The following LRBA variants were observed in gnomAD, a reference collection of about 807,000 sequenced individuals.
The protein encoded by LRBA is LPS responsive beige-like anchor protein.
A neutral mutation model predicts 330.0 loss-of-function variants in LRBA; 176 were observed. The ratio of observed to expected loss-of-function variants is 0.53; its 90% CI spans 0.47 to 0.60. The LOEUF is 0.60. LRBA is among the 20% of genes least tolerant of loss of function. The pLI, the probability that LRBA is intolerant of heterozygous loss-of-function variation, is 0.00. For missense variants in LRBA, 3,259 were observed against 3,444.8 expected, an observed-to-expected ratio of 0.95 and a Z score of 1.35; for synonymous variants, 1,230 against 1,193.0, an observed-to-expected ratio of 1.03 and a Z score of -0.64.
intron 34 of LRBA, among the ~76,000 whole-genome samples, chr4:150,781,452 T>C (rs1282777716): frequency 1.3e-5 from 2 of 152,202 alleles, no homozygotes; most frequent in Admixed American, 1.3e-4. Flanking sequence ...GCTCAGGCAG[T>C]AATGCCAGTG....
At chr4:150,469,193 G>C (rs1477570777) in intron 43 of LRBA, among the ~76,000 whole-genome samples, 2 of 152,042 alleles carry the variant, frequency 1.3e-5, no homozygotes, top group African/African-American at 4.8e-5. Context: ...ACTTAATTAA[G>C]TTAAACTCAA....
intron 37 of LRBA, among the ~76,000 whole-genome samples, chr4:150,658,509 C>CCT (rs1491141650): frequency 4.8e-5 from 3 of 62,676 alleles, no homozygotes; most frequent in South Asian, 8.2e-4. Flanking sequence ...ATAAAAGTCT[C>CCT]CCTCTCCCTC....
intron 46 of LRBA, among the ~76,000 whole-genome samples, chr4:150,431,516 A>C (rs982458449): frequency 2.0e-5 from 3 of 152,238 alleles, no homozygotes; most frequent in Non-Finnish European, 2.9e-5. Context: ...TGTGCCATGT[A>C]AATAGAGACA....
At chr4:150,753,126 C>T (rs923280022) in intron 35 of LRBA, among the ~76,000 whole-genome samples, 5 of 152,200 alleles carry the variant, frequency 3.3e-5, no homozygotes, top group Non-Finnish European at 7.4e-5. Context: ...ACTCTGACCA[C>T]TCTTATTTAA....
intron 40 of LRBA, among the ~76,000 whole-genome samples, chr4:150,506,454 T>TA (rs2152123827): frequency 1.3e-5 from 2 of 152,260 alleles, no homozygotes; most frequent in Non-Finnish European, 2.9e-5. Flanking sequence ...ATCCAGAACA[T>TA]AAACAGAACC....
intron 36 of LRBA, among the ~76,000 whole-genome samples, chr4:150,685,600 A>G (rs1783546159): frequency 6.7e-6 from 1 of 149,068 alleles, no homozygotes; most frequent in Non-Finnish European, 1.5e-5. Context: ...CACCCAGCTA[A>G]TTTTTTTGTA....
chr4:150,572,608 T>G (rs764965140), intron 40 of LRBA, among the ~76,000 whole-genome samples: 24 of 152,228 alleles, frequency 1.6e-4, no homozygotes, highest in Non-Finnish European at 2.9e-4. Flanking sequence ...AATCAAAACT[T>G]CAAAAAGTTA....
chr4:150,451,874 A>G (rs930074960), intron 44 of LRBA, among the ~76,000 whole-genome samples: 1 of 152,178 alleles, frequency 6.6e-6, no homozygotes, highest in Non-Finnish European at 1.5e-5. Context: ...AAAACTCATT[A>G]ACAAAAAGAT....
intron 36 of LRBA, among the ~76,000 whole-genome samples, chr4:150,697,059 G>C (rs2126978519): frequency 6.6e-6 from 1 of 151,126 alleles, no homozygotes; most frequent in East Asian, 1.9e-4. Context: ...GGGCGCAGTG[G>C]CTCACACCTG....
chr4:150,420,321 GCACA>G (rs1748480202), intron 46 of LRBA, among the ~76,000 whole-genome samples: 1 of 122,776 alleles, frequency 8.1e-6, no homozygotes, highest in East Asian at 3.0e-4. Context: ...TATATATAAT[GCACA>G]TTATAGTATA....
chr4:150,690,748 A>G (rs745973978), intron 36 of LRBA, among the ~76,000 whole-genome samples: 2 of 152,020 alleles, frequency 1.3e-5, no homozygotes, highest in Non-Finnish European at 2.9e-5. Flanking sequence ...AAACTGGATC[A>G]AGGATATAAA....
chr4:150,868,364 G>A, intron 20 of LRBA, 59 bp from the exon 21 acceptor site: 2 of 1,280,534 alleles, frequency 1.6e-6, no homozygotes, highest in Non-Finnish European at 1.1e-6. Flanking sequence ...CATGATAGAA[G>A]GTCATCCATC....
intron 40 of LRBA, among the ~76,000 whole-genome samples, chr4:150,540,344 G>A (rs146541463): frequency 2.1e-3 from 320 of 152,242 alleles, no homozygotes; most frequent in African/African-American, 7.1e-3. Context: ...ACAGATGTGC[G>A]TCACCACACC....
rs544532385 is a variant in LRBA at position 150,638,800 on chromosome 4, C to A, written c.5922-39669G>T. 1.4e-3 allele frequency among the ~76,000 whole-genome samples: 166 copies of A among 116,266 alleles called. 2 individuals carry two copies. Among genetic ancestry groups the A allele is most frequent in the African/African-American group, 5.5e-3 (162 of 29,470 alleles). The allele number at this position is 116,266 out of a possible 152,430, so 76.3% of individuals were successfully genotyped here. On this transcript the variant is annotated intron_variant, in intron 37 of 56. Coordinates refer to ENST00000651943, the MANE Select transcript of LRBA (RefSeq NM_001364905.1). Reference sequence around the variant, plus strand: ...CATTGTGGAAGTCAGTGTGGCGATTCCTCAGGGATCTAGAACTAGAAATAC... The same window carrying A: ...CATTGTGGAAGTCAGTGTGGCGATTACTCAGGGATCTAGAACTAGAAATAC...
intron 28 of LRBA, among the ~76,000 whole-genome samples, chr4:150,840,114 T>G (rs1198036670): frequency 6.6e-6 from 1 of 152,192 alleles, no homozygotes; most frequent in Non-Finnish European, 1.5e-5. Flanking sequence ...CGTTGGAGCC[T>G]TATCTGAAAT....
intron 40 of LRBA, among the ~76,000 whole-genome samples, chr4:150,558,028 G>C (rs1418645282): frequency 6.6e-6 from 1 of 152,124 alleles, no homozygotes; most frequent in Non-Finnish European, 1.5e-5. Flanking sequence ...ACCCTGAGTA[G>C]CTGGAATTAC....
chr4:150,724,196 TG>T, intron 36 of LRBA, among the ~76,000 whole-genome samples: 1 of 152,154 alleles, frequency 6.6e-6, no homozygotes, highest in Non-Finnish European at 1.5e-5. Flanking sequence ...TCTAACCCAG[TG>T]CAGCCCTAGT....
At position 150,983,449 on chromosome 4, in the gene LRBA, C is replaced by CTTT. The variant is rs35205576; in HGVS notation, c.216+30975_216+30977dup. Among the ~76,000 whole-genome samples, 158 of 107,230 alleles carry CTTT rather than the reference C, an allele frequency of 1.5e-3. 3 individuals carry two copies. The highest frequency in any genetic ancestry group is 4.9e-3 in the African/African-American group (128 of 26,174). 70.3% of individuals were successfully genotyped at this position (107,230 alleles called of 152,430 possible). A position where few individuals can be genotyped will look rare whatever the true frequency, so the allele number is the denominator to read the frequency against. ...CAGCCTGGGTGATGAAGCAAGCACT[C>CTTT]TTTTTTTTTTTTTTTTTTTTTTGAG... On this transcript the variant is annotated intron_variant, in intron 2 of 56. Transcript: ENST00000651943.
rs139046576 is a variant in LRBA, at chr4:150,938,892, T to C, written c.217-9827A>G. Among the ~76,000 whole-genome samples the C allele has an allele frequency of 1.7e-3, 263 of 152,304 alleles. 1 individual carries two copies. Among genetic ancestry groups the C allele is most frequent in the African/African-American group, 5.8e-3 (243 of 41,572 alleles). ...TTAAAAGCCTATATTCTGACTAATA[T>C]AGATGCTATTCACTGCATTTTCTCA... On this transcript the variant is annotated intron_variant, in intron 2 of 56. Transcript: ENST00000651943.
Sources: gnomAD v4.1 joint callset for allele counts (sites outside exome capture counted in the v4.1 genomes callset) on GRCh38, gnomAD v4.1.1 for gene constraint, MANE v1.5 for transcripts, NCBI Gene and HGNC (gene_info 2026-07-23, HGNC 2026-07-21) for gene names.